The following PDXDC1 variants were observed in gnomAD, a reference collection of about 807,000 sequenced individuals.
The protein encoded by PDXDC1 is pyridoxal-dependent decarboxylase domain-containing protein 1.
PDXDC1 carries 42 observed loss-of-function variants against 100.1 expected under a neutral mutation model. The ratio of observed to expected loss-of-function variants is 0.42; its 90% CI spans 0.33 to 0.54. PDXDC1 has a LOEUF of 0.54. Among genes scored for constraint, PDXDC1 ranks in the 20% least tolerant of loss-of-function variants. PDXDC1 has a pLI of 0.10. For synonymous variants in PDXDC1, 260 were observed against 371.7 expected (o/e 0.70, Z 3.46); for missense variants, 636 against 979.2 (o/e 0.65, Z 4.68).
chr16:15,021,813 G>C (rs1040620215), intron 12 of PDXDC1, among the ~76,000 whole-genome samples: 1 of 152,278 alleles, frequency 6.6e-6, no homozygotes, highest in Admixed American at 6.5e-5. Context: ...ATCAGCATTC[G>C]CCTCCTCATC....
chr16:14,992,142 A>C (rs1377515887), intron 1 of PDXDC1, among the ~76,000 whole-genome samples: 16 of 152,290 alleles, frequency 1.1e-4, no homozygotes, highest in African/African-American at 3.6e-4. Flanking sequence ...AGCCGCAACA[A>C]CTGCAAGCAT....
intron 16 of PDXDC1, among the ~76,000 whole-genome samples, chr16:15,050,356 G>T (rs1219706839): frequency 6.6e-6 from 1 of 152,184 alleles, no homozygotes; most frequent in Middle Eastern, 3.2e-3. Flanking sequence ...TACACAGGAA[G>T]ACAGTTTTGC....
rs569126697 is a variant in PDXDC1, at chr16:15,128,939, G to T, written c.1400-9940G>T. ...TCCTGCCTCAGTCTCCCGAGGAGCT[G>T]GGACTACAGGCGCCTGCCAACACGC... On this transcript the variant is annotated intron_variant, in intron 16 of 16. Transcript: ENST00000535621. Among the ~76,000 whole-genome samples, 139 of 149,434 alleles carry T rather than the reference G, an allele frequency of 9.3e-4. 1 individual carries two copies. The highest frequency in any genetic ancestry group is 3.3e-3 in the African/African-American group (134 of 40,846).
At chr16:15,032,647 C>A in intron 17 of PDXDC1, 1 of 305,902 alleles carries the variant, frequency 3.3e-6, no homozygotes, top group Non-Finnish European at 5.6e-6. Context: ...AAGTGAGACC[C>A]TGCTTTAAAA....
At chr16:15,002,236 T>A (rs1179149366) in intron 4 of PDXDC1, among the ~76,000 whole-genome samples, 3 of 152,302 alleles carry the variant, frequency 2.0e-5, no homozygotes, top group Non-Finnish European at 4.4e-5. Flanking sequence ...ATAAGTAAAA[T>A]TATTCTCTTG....
chr16:15,031,169 C>T (rs2043042894), intron 16 of PDXDC1, among the ~76,000 whole-genome samples: 1 of 136,244 alleles, frequency 7.3e-6, no homozygotes, highest in Non-Finnish European at 1.5e-5. Context: ...GTCACCCAGG[C>T]TGCTCTTGAA....
At chr16:15,057,934 G>A (rs1262129598) in intron 16 of PDXDC1, among the ~76,000 whole-genome samples, 2 of 152,098 alleles carry the variant, frequency 1.3e-5, no homozygotes, top group Non-Finnish European at 2.9e-5. Context: ...GACTAAATGA[G>A]CCAGATAACA....
chr16:15,122,877 A>AAGG (rs1400763855), intron 16 of PDXDC1, among the ~76,000 whole-genome samples: 2 of 129,272 alleles, frequency 1.5e-5, no homozygotes, highest in Non-Finnish European at 3.3e-5. Flanking sequence ...AGGGAAGGGA[A>AAGG]AGGAGAAGGG....
the PDXDC1 span, among the ~76,000 whole-genome samples, chr16:15,149,526 C>T: frequency 6.6e-6 from 1 of 152,204 alleles, no homozygotes; most frequent in Admixed American, 6.5e-5. Flanking sequence ...GCCTAGGGGT[C>T]GCTCCAGAAT....
intron 18 of PDXDC1, 148 bp downstream of exon 18, chr16:15,033,127 T>A: frequency 9.9e-7 from 1 of 1,010,140 alleles, no homozygotes; most frequent in South Asian, 1.4e-5. Context: ...CCTCCCCTTC[T>A]GCAGCCTTGC....
At chr16:15,003,491 C>T (rs1973624254) in intron 4 of PDXDC1, among the ~76,000 whole-genome samples, 1 of 152,152 alleles carries the variant, frequency 6.6e-6, no homozygotes, top group Non-Finnish European at 1.5e-5. Context: ...GCTGGGATTA[C>T]AGGCATGAGC....
In PDXDC1 at chr16:15,047,368, A is replaced by G; in HGVS notation, c.1399+17312A>G. On this transcript the variant is annotated intron_variant, in intron 16 of 16. Coordinates refer to the PDXDC1 transcript ENST00000535621. The stretch of plus-strand genomic sequence containing the variant: ...TGGTGGCATCCTGTGTTCCCCTAAC[A>G]GCTTCCACAGCCACGTCCTGTATGC... 3.1e-6 allele frequency: 3 copies of G among 975,320 alleles called. No homozygotes were observed. In the Admixed American group the frequency reaches 5.2e-5, roughly 17 times the overall value. The allele number at this position is 975,320 out of a possible 1,614,324, so 60.4% of individuals were successfully genotyped here.
At chr16:15,004,015 CA>C (rs1567651887) in intron 4 of PDXDC1, among the ~76,000 whole-genome samples, 171 bp from the exon 5 acceptor site, 2 of 152,380 alleles carry the variant, frequency 1.3e-5, no homozygotes, top group East Asian at 3.9e-4. Flanking sequence ...TTCTCCATCT[CA>C]AAAAATAGAA....
At chr16:15,150,272 C>T in the PDXDC1 span, among the ~76,000 whole-genome samples, 2 of 151,630 alleles carry the variant, frequency 1.3e-5, no homozygotes, top group Admixed American at 6.6e-5. Context: ...ACCCAGGCGG[C>T]GGAGCTTGCA....
At chr16:15,041,556 T>C (rs1278202105), downstream of PDXDC1, 3 of 1,121,302 alleles carry the variant, frequency 2.7e-6, no homozygotes, top group Non-Finnish European at 4.1e-6. Context: ...TTGGGCCCAC[T>C]GCAAGACTGG....
chr16:15,131,528 TCTC>T, intron 16 of PDXDC1: 1 of 1,608,928 alleles, frequency 6.2e-7, no homozygotes, highest in Non-Finnish European at 8.5e-7. Context: ...TGGGCCACGA[TCTC>T]CTCGCCCGCC....
intron 1 of PDXDC1, among the ~76,000 whole-genome samples, chr16:14,984,491 ATATATTT>A (rs1968838087): frequency 2.1e-5 from 2 of 93,770 alleles, no homozygotes; most frequent in African/African-American, 7.9e-5. Context: ...ATATATATAT[ATATATTT>A]TTTTTTTTTT....
downstream of PDXDC1, among the ~76,000 whole-genome samples, chr16:15,043,003 C>T (rs932439450): frequency 7.9e-5 from 12 of 151,612 alleles, no homozygotes; most frequent in African/African-American, 2.2e-4. Flanking sequence ...CGGGTTCAAG[C>T]GGTTCTCCTG....
At chr16:15,086,666 C>G (rs1340037478) in intron 16 of PDXDC1, among the ~76,000 whole-genome samples, 1 of 152,170 alleles carries the variant, frequency 6.6e-6, no homozygotes, top group Non-Finnish European at 1.5e-5. Context: ...CTCTAATACA[C>G]AGGAGAAAGA....
Sources: gnomAD v4.1 joint callset for allele counts (sites outside exome capture counted in the v4.1 genomes callset) on GRCh38, gnomAD v4.1.1 for gene constraint, MANE v1.5 for transcripts, NCBI Gene and HGNC (gene_info 2026-07-23, HGNC 2026-07-21) for gene names.